The following RBFOX1 variants were observed in gnomAD, a reference collection of about 807,000 sequenced individuals.
The protein encoded by RBFOX1 is RNA binding fox-1 homolog 1.
RBFOX1 carries 8 observed loss-of-function variants against 57.7 expected under a neutral mutation model. The observed-to-expected ratio is 0.14, with a 90% CI of 0.08 to 0.25. RBFOX1 has a LOEUF of 0.25. Ranked by LOEUF, RBFOX1 falls within the 10% of genes least tolerant of loss-of-function variation. RBFOX1 has a pLI of 1.00. For missense variants in RBFOX1, 611 were observed against 548.5 expected, an observed-to-expected ratio of 1.11 and a Z score of -1.14; for synonymous variants, 326 against 222.4, an observed-to-expected ratio of 1.47 and a Z score of -4.15.
At chr16:7,594,633 A>G (rs2094598892) in intron 7 of RBFOX1, among the ~76,000 whole-genome samples, 1 of 152,214 alleles carries the variant, frequency 6.6e-6, no homozygotes, top group African/African-American at 2.4e-5. Context: ...ATTAAAAGGT[A>G]TATATGTTAT....
intron 1 of RBFOX1, among the ~76,000 whole-genome samples, chr16:5,277,567 T>G (rs1270849557): frequency 6.6e-6 from 1 of 152,294 alleles, no homozygotes; most frequent in African/African-American, 2.4e-5. Flanking sequence ...TTCAAACCCC[T>G]CCTCTTCCCA....
intron 4 of RBFOX1, among the ~76,000 whole-genome samples, chr16:7,202,580 C>G (rs561396168): frequency 5.9e-5 from 9 of 152,264 alleles, no homozygotes; most frequent in East Asian, 3.9e-4. Flanking sequence ...AGTGGATGAG[C>G]AAGCAAAGCT....
intron 4 of RBFOX1, among the ~76,000 whole-genome samples, chr16:7,414,895 G>A (rs959586184): frequency 1.3e-5 from 2 of 152,228 alleles, no homozygotes; most frequent in African/African-American, 4.8e-5. Flanking sequence ...TGGGATTACA[G>A]GTGGTGAGCC....
At chr16:6,282,353 C>A (rs13334845) in intron 1 of RBFOX1, among the ~76,000 whole-genome samples, 13,436 of 72,674 alleles carry the variant, frequency 0.18, 795 homozygotes, top group Middle Eastern at 0.3. Context: ...TGTACCTTGT[C>A]TGTTTTTTTT....
intron 3 of RBFOX1, among the ~76,000 whole-genome samples, chr16:5,793,725 A>G (rs781636527): frequency 1.3e-4 from 20 of 152,280 alleles, no homozygotes; most frequent in Middle Eastern, 3.4e-3. Context: ...GGGAGCCTGG[A>G]TCTATGTACA....
At chr16:5,604,026 C>T (rs1454751420), downstream of RBFOX1, among the ~76,000 whole-genome samples, 1 of 152,104 alleles carries the variant, frequency 6.6e-6, no homozygotes, top group African/African-American at 2.4e-5. Flanking sequence ...TGCCATTCCC[C>T]CCTTCTATAC....
intron 1 of RBFOX1, among the ~76,000 whole-genome samples, chr16:5,423,747 T>C (rs1402283519): frequency 6.6e-6 from 1 of 152,210 alleles, no homozygotes; most frequent in Non-Finnish European, 1.5e-5. Flanking sequence ...AGAATCATCT[T>C]GTGAAATTGG....
At chr16:5,298,962 A>G (rs1177607470) in intron 1 of RBFOX1, among the ~76,000 whole-genome samples, 1 of 128,696 alleles carries the variant, frequency 7.8e-6, no homozygotes, top group Non-Finnish European at 1.6e-5. Context: ...ATTAAAATGC[A>G]CAGATCTTAA....
intron 1 of RBFOX1, among the ~76,000 whole-genome samples, chr16:6,275,495 C>T (rs528057435): frequency 1.3e-5 from 2 of 152,074 alleles, no homozygotes; most frequent in African/African-American, 4.8e-5. Context: ...ATTATTAACA[C>T]CTTTATTTTC....
chr16:6,551,823 C>A, intron 2 of RBFOX1, among the ~76,000 whole-genome samples: 1 of 152,216 alleles, frequency 6.6e-6, no homozygotes, highest in African/African-American at 2.4e-5. Flanking sequence ...CCAATTACAT[C>A]TCACATTCTG....
At chr16:5,832,946 C>T (rs1410493038) in intron 3 of RBFOX1, among the ~76,000 whole-genome samples, 1 of 152,162 alleles carries the variant, frequency 6.6e-6, no homozygotes, top group Non-Finnish European at 1.5e-5. Flanking sequence ...AAAAGATATT[C>T]ACCAATGGTG....
chr16:6,933,134 C>T (rs763198383), intron 3 of RBFOX1, among the ~76,000 whole-genome samples: 1 of 152,118 alleles, frequency 6.6e-6, no homozygotes, highest in African/African-American at 2.4e-5. Flanking sequence ...TTCTCTTATC[C>T]CTCCATTCAT....
intron 1 of RBFOX1, among the ~76,000 whole-genome samples, chr16:5,358,767 C>T (rs1201070649): frequency 8.5e-5 from 13 of 152,222 alleles, no homozygotes; most frequent in South Asian, 4.2e-4. Context: ...GCAAAGGTTG[C>T]GGTGAGCCGA....
intron 3 of RBFOX1, among the ~76,000 whole-genome samples, chr16:5,694,894 G>C (rs1053566290): frequency 2.6e-5 from 4 of 151,778 alleles, no homozygotes; most frequent in African/African-American, 9.7e-5. Context: ...CAGGAATTCT[G>C]CTTTGAACAG....
chr16:5,292,693 G>T (rs1359446015), intron 1 of RBFOX1, among the ~76,000 whole-genome samples: 3 of 151,724 alleles, frequency 2.0e-5, no homozygotes, highest in Non-Finnish European at 4.4e-5. Flanking sequence ...GCACGATCTC[G>T]GCTCACTGCA....
intron 4 of RBFOX1, among the ~76,000 whole-genome samples, chr16:7,449,479 C>T (rs562568124): frequency 1.2e-3 from 181 of 152,178 alleles, no homozygotes; most frequent in Admixed American, 2.6e-3. Flanking sequence ...TTCACTAACG[C>T]GCCCCTTGCC....
intron 5 of RBFOX1, among the ~76,000 whole-genome samples, chr16:7,530,117 T>A (rs2079664427): frequency 6.6e-6 from 1 of 152,090 alleles, no homozygotes; most frequent in African/African-American, 2.4e-5. Flanking sequence ...GTGCAGAGAT[T>A]CATAGAATGT....
At chr16:5,392,182 A>G (rs1315442510) in intron 1 of RBFOX1, among the ~76,000 whole-genome samples, 1 of 152,086 alleles carries the variant, frequency 6.6e-6, no homozygotes, top group Non-Finnish European at 1.5e-5. Context: ...TGGGTTCATT[A>G]TGTACTGCTT....
At chr16:7,709,395 G>C in intron 15 of RBFOX1, 1 of 1,247,632 alleles carries the variant, frequency 8.0e-7, no homozygotes, top group Non-Finnish European at 1.1e-6. Flanking sequence ...GGAATAATTA[G>C]TCATTTTGAT....
Sources: gnomAD v4.1 joint callset for allele counts (sites outside exome capture counted in the v4.1 genomes callset) on GRCh38, gnomAD v4.1.1 for gene constraint, MANE v1.5 for transcripts, NCBI Gene and HGNC (gene_info 2026-07-23, HGNC 2026-07-21) for gene names.